The following GOLGA3 variants were observed in gnomAD, a reference collection of about 807,000 sequenced individuals.
The protein encoded by GOLGA3 is golgin A3.
A neutral mutation model predicts 169.4 loss-of-function variants in GOLGA3; 75 were observed. The ratio of observed to expected loss-of-function variants is 0.44; its 90% CI spans 0.37 to 0.54. The LOEUF (loss-of-function observed/expected upper bound fraction) is 0.54, where lower values mean the gene tolerates loss of function less well. Among genes scored for constraint, GOLGA3 ranks in the 20% least tolerant of loss-of-function variants. The pLI, the probability that GOLGA3 is intolerant of heterozygous loss-of-function variation, is 0.00. For missense variants in GOLGA3, 1,899 were observed against 1,930.0 expected (o/e 0.98, Z 0.30); for synonymous variants, 824 against 822.4 (o/e 1.00, Z -0.03).
At chr12:132,788,558 A>T (rs990010891) in intron 13 of GOLGA3, among the ~76,000 whole-genome samples, 1 of 152,160 alleles carries the variant, frequency 6.6e-6, no homozygotes, top group Non-Finnish European at 1.5e-5. Context: ...TTCCACAGGA[A>T]CATGACTAGC....
intron 11 of GOLGA3, among the ~76,000 whole-genome samples, chr12:132,792,923 C>A (rs1228532382): frequency 2.3e-5 from 3 of 128,704 alleles, no homozygotes; most frequent in African/African-American, 9.0e-5. Context: ...CACACAGACC[C>A]ACCCCACGGG....
Position 132,804,909 on chromosome 12 carries a change from C to G in GOLGA3, c.1404G>C (p.Ser468=), listed in dbSNP as rs200547951. The G allele has an allele frequency of 6.2e-7, 1 of 1,613,938 alleles. No individual in the cohort carries two copies. Among genetic ancestry groups the G allele is most frequent in the South Asian group, 1.1e-5 (1 of 91,086 alleles). The change falls in exon 7 of 24, where the codon TCG becomes TCC. Residue 468 remains serine, a synonymous_variant. Transcript: ENST00000450791. The surrounding 1 kb of genome is among the most constrained non-coding windows in gnomAD (Gnocchi z 4.1). ...SSQQRQDSLS[S]EVDTLKQSCW... ...ACGACTGCTTCAGGGTGTCCACCTCCGAGCTCAGCGAATCCTGCCGCTGCT... is the reference window on the plus strand; with the variant it reads ...ACGACTGCTTCAGGGTGTCCACCTCGGAGCTCAGCGAATCCTGCCGCTGCT...
rs1305456590 is a variant in GOLGA3 at position 132,798,182 on chromosome 12, G to GC, written c.1938+157_1938+158insG. Among the ~76,000 whole-genome samples the GC allele has an allele frequency of 6.8e-5, 9 of 132,160 alleles. No individual in the cohort carries two copies. In the South Asian group the frequency reaches 2.6e-3, roughly 38 times the overall value. 86.7% of individuals were successfully genotyped at this position (132,160 alleles called of 152,430 possible). ...CCCACAGGTGAGGGATGAGGGGTGG[G>GC]GGGGGGGTCCCAAAGCCTTAACGAG... On this transcript the variant is annotated intron_variant, in intron 9 of 23. Transcript: ENST00000450791.
chr12:132,801,623 A>G (rs1476455590), intron 8 of GOLGA3, 144 bp downstream of exon 8: 1 of 776,466 alleles, frequency 1.3e-6, no homozygotes, highest in Admixed American at 2.1e-5. Context: ...CACGTCCTAC[A>G]TGGGACACGG....
At position 132,786,332 on chromosome 12, in the gene GOLGA3, T is replaced by G. The variant is rs376853272; in HGVS notation, c.3123+7A>C. 5.8e-4 allele frequency: 909 copies of G among 1,580,320 alleles called. No individual in the cohort carries two copies. The highest frequency in any genetic ancestry group is 7.3e-4 in the Non-Finnish European group (840 of 1,158,278). On this transcript the variant is annotated splice_region_variant and intron_variant, in intron 15 of 23. Coordinates refer to ENST00000450791, the MANE Select transcript of GOLGA3 (RefSeq NM_001389683.1). ...ACCCTGGCCGGGGATGGCACGGTGT[T>G]ACCTACATGTAGAGCCAGGCTGCTG...
Position 132,808,169 on chromosome 12 carries a change from G to A in GOLGA3, c.900C>T (p.Thr300=), listed in dbSNP as rs1283526175. Residue 300 remains threonine (T), a synonymous_variant, in exon 5 of 24, where the codon ACC becomes ACT. Coordinates refer to ENST00000450791, the MANE Select transcript of GOLGA3 (RefSeq NM_001389683.1). ...CAGACACGCTGTCTCCAGCCAGGGA[G>A]GTGTTCTCCAGACGGTCGTCAGTGT... ...SPDTDDRLEN[T]SLAGDSVSEV... The A allele has an allele frequency of 5.0e-6, 8 of 1,612,878 alleles. No homozygotes were observed. In the African/African-American group the frequency reaches 9.3e-5, roughly 19 times the overall value.
intron 17 of GOLGA3, among the ~76,000 whole-genome samples, chr12:132,781,513 G>C (rs977931729): frequency 5.9e-5 from 9 of 152,112 alleles, no homozygotes; most frequent in Non-Finnish European, 4.4e-5. Context: ...TCGTGCCACT[G>C]CACTCCAGCC....
At chr12:132,820,926 C>G in intron 2 of GOLGA3, among the ~76,000 whole-genome samples, 1 of 151,652 alleles carries the variant, frequency 6.6e-6, no homozygotes, top group East Asian at 1.9e-4. Flanking sequence ...ATGGTGAAAC[C>G]CCGTCTCTAC....
intron 1 of GOLGA3, among the ~76,000 whole-genome samples, chr12:132,826,916 A>G (rs1417085225): frequency 6.6e-6 from 1 of 152,174 alleles, no homozygotes; most frequent in African/African-American, 2.4e-5. Flanking sequence ...TATTTTAAAT[A>G]AAGAGGCCAG....
At chr12:132,806,629 C>T (rs1398825241) in intron 6 of GOLGA3, among the ~76,000 whole-genome samples, 1 of 152,218 alleles carries the variant, frequency 6.6e-6, no homozygotes, top group Admixed American at 6.5e-5. Flanking sequence ...CCCTCCCACG[C>T]CAGAAGCGGA....
In GOLGA3 at chr12:132,773,205, G is replaced by A; in HGVS notation, c.4397C>T (p.Ala1466Val). ...SLSSWTPLEP[A>V]TASPVPPGGH... ...CCCCGGGGGCACAGGGCTGGCAGTG[G>A]CTGGCTCCAGCGGCGTCCACGAGGA... The change falls in exon 24 of 24, where the codon GCC (alanine) becomes GTC (valine). Residue 1466 changes from alanine (A) to valine (V), a missense_variant. Coordinates refer to ENST00000450791, the MANE Select transcript of GOLGA3 (RefSeq NM_001389683.1). 6.3e-7 allele frequency: 1 copy of A among 1,580,830 alleles called. No individual in the cohort carries two copies. Among genetic ancestry groups the A allele is most frequent in the Non-Finnish European group, 8.6e-7 (1 of 1,161,908 alleles).
chr12:132,825,676 G>A, intron 1 of GOLGA3: 1 of 968,492 alleles, frequency 1.0e-6, no homozygotes, highest in Non-Finnish European at 1.7e-6. Context: ...AACTGGAAGA[G>A]CACCTTTTTT....
chr12:132,794,086 C>T (rs1948696089), intron 11 of GOLGA3, among the ~76,000 whole-genome samples: 2 of 152,186 alleles, frequency 1.3e-5, no homozygotes, highest in African/African-American at 4.8e-5. Flanking sequence ...TCCGATGATC[C>T]TCACGTCACC....
rs7134809 is a variant in GOLGA3, at chr12:132,813,412, T to C, written c.414A>G (p.Thr138=). 0.15 allele frequency: 238,522 copies of C among 1,595,944 alleles called. 19,734 individuals are homozygous for C. The highest frequency in any genetic ancestry group is 0.17 in the Non-Finnish European group (200,486 of 1,166,898). ...LPMQETQLCS[T]DSPLPLEKEE... is the part of the protein sequence containing the mutation. Reference sequence around the variant, plus strand: ...CCTTCTCCAGGGGCAGGGGAGAATCTGTAGAGCCTGCAGTGGGAAAAGGGC... The same window carrying C: ...CCTTCTCCAGGGGCAGGGGAGAATCCGTAGAGCCTGCAGTGGGAAAAGGGC... The change falls in exon 4 of 24, where the codon ACA becomes ACG. Residue 138 remains threonine (T), a synonymous_variant. Transcript: ENST00000450791.
chr12:132,790,707 C>T (rs1018140489), intron 12 of GOLGA3, among the ~76,000 whole-genome samples: 2 of 151,964 alleles, frequency 1.3e-5, no homozygotes, highest in Non-Finnish European at 2.9e-5. Context: ...GACCCCCACC[C>T]CACTGTGGAA....
intron 1 of GOLGA3, among the ~76,000 whole-genome samples, chr12:132,826,736 G>C (rs2136844520): frequency 6.6e-6 from 1 of 152,260 alleles, no homozygotes; most frequent in Non-Finnish European, 1.5e-5. Flanking sequence ...GCAATAAGCT[G>C]GCAGTCTCGG....
chr12:132,783,136 T>C (rs1467358464), intron 16 of GOLGA3, among the ~76,000 whole-genome samples: 1 of 151,796 alleles, frequency 6.6e-6, no homozygotes, highest in East Asian at 1.9e-4. Flanking sequence ...GTGGAGGCTG[T>C]GGTGAGCCAA....
intron 13 of GOLGA3, among the ~76,000 whole-genome samples, chr12:132,788,017 G>T (rs1484034592): frequency 6.6e-6 from 1 of 152,054 alleles, no homozygotes; most frequent in Non-Finnish European, 1.5e-5. Context: ...TCCTGTGTGC[G>T]AGGCGAGTCC....
At chr12:132,789,391 G>A (rs2046104890) in intron 12 of GOLGA3, 101 bp from the exon 13 acceptor site, 1 of 985,248 alleles carries the variant, frequency 1.0e-6, no homozygotes, top group African/African-American at 1.6e-5. Flanking sequence ...CCACTTATCG[G>A]GGGCATAACT....
Sources: gnomAD v4.1 joint callset for allele counts (sites outside exome capture counted in the v4.1 genomes callset) on GRCh38, gnomAD v4.1.1 for gene constraint, Gnocchi (gnomAD v3.1) non-coding constraint, MANE v1.5 for transcripts, NCBI Gene and HGNC (gene_info 2026-07-23, HGNC 2026-07-21) for gene names.